VAT1L: variants seen among roughly 807,000 people sequenced by gnomAD.
VAT1L encodes putative NADPH-dependent quinone oxidoreductase VAT1L.
In VAT1L, 34 loss-of-function variants were observed where a neutral mutation model predicts 44.1. The ratio of observed to expected loss-of-function variants is 0.77; its 90% CI spans 0.59 to 1.03. The LOEUF is 1.03. Ranked by LOEUF, VAT1L falls within the 50% of genes least tolerant of loss-of-function variation. The pLI is 0.00. For missense variants in VAT1L, 615 were observed against 538.8 expected (o/e 1.14, Z -1.40); for synonymous variants, 253 against 202.2 (o/e 1.25, Z -2.13).
intron 7 of VAT1L, among the ~76,000 whole-genome samples, chr16:77,911,628 T>G (rs1174399078): frequency 6.6e-6 from 1 of 152,342 alleles, no homozygotes. Context: ...GGGTCAAATG[T>G]GCCACCAGAT....
intron 3 of VAT1L, among the ~76,000 whole-genome samples, chr16:77,833,398 G>A (rs1443912313): frequency 6.6e-6 from 1 of 152,212 alleles, no homozygotes; most frequent in Admixed American, 6.5e-5. Context: ...GGCATTTAAC[G>A]CTAATCTGTG....
intron 8 of VAT1L, among the ~76,000 whole-genome samples, chr16:77,975,231 A>ATTTTT (rs1567527926): frequency 1.9e-4 from 12 of 62,496 alleles, no homozygotes; most frequent in African/African-American, 7.6e-4. Flanking sequence ...TTTTTTTTAA[A>ATTTTT]GACAGTCTCA....
intron 3 of VAT1L, among the ~76,000 whole-genome samples, chr16:77,839,465 G>C (rs2016678982): frequency 6.9e-6 from 1 of 144,252 alleles, no homozygotes; most frequent in South Asian, 2.2e-4. Context: ...GAACCTGGGA[G>C]GCAGAGCTTG....
At chr16:77,875,010 C>G (rs577688601) in intron 4 of VAT1L, among the ~76,000 whole-genome samples, 1 of 152,324 alleles carries the variant, frequency 6.6e-6, no homozygotes, top group South Asian at 2.1e-4. Flanking sequence ...GGATTGCAAT[C>G]TTTGTTTTAG....
At chr16:77,824,555 A>G (rs932383127) in intron 2 of VAT1L, among the ~76,000 whole-genome samples, 2 of 151,950 alleles carry the variant, frequency 1.3e-5, no homozygotes, top group Non-Finnish European at 2.9e-5. Context: ...GGAGATCGAG[A>G]CCATCCTGGC....
At chr16:77,789,183 G>A (rs1030217251) in intron 1 of VAT1L, among the ~76,000 whole-genome samples, 7 of 152,168 alleles carry the variant, frequency 4.6e-5, no homozygotes, top group African/African-American at 1.7e-4. Context: ...CCCCGGGTCT[G>A]GAAGATTGCG....
rs1466405416 is a variant in VAT1L at position 77,788,758 on chromosome 16, G to A, written c.76G>A (p.Glu26Lys). ...IEKEAGKEPAEGGGGDGSHRL... is the reference protein window; with the variant it reads ...IEKEAGKEPAKGGGGDGSHRL... ...GAAGGAGGCAGGCAAGGAGCCGGCG[G>A]AGGGCGGCGGCGGCGACGGCTCGCA... The change falls in exon 1 of 9, where the codon GAG (glutamate) becomes AAG (lysine). Residue 26 changes from glutamate to lysine, a missense_variant. Transcript: ENST00000302536. The A allele has an allele frequency of 3.8e-6, 6 of 1,562,744 alleles. No homozygotes were observed. Among genetic ancestry groups the A allele is most frequent in the East Asian group, 2.3e-5 (1 of 42,684 alleles).
At chr16:77,858,088 A>G (rs569114174) in intron 3 of VAT1L, among the ~76,000 whole-genome samples, 1 of 152,278 alleles carries the variant, frequency 6.6e-6, no homozygotes, top group East Asian at 1.9e-4. Context: ...TGGGCACAGG[A>G]GCAGAGGGCC....
At chr16:77,874,140 G>A (rs2142451575) in intron 4 of VAT1L, among the ~76,000 whole-genome samples, 1 of 152,234 alleles carries the variant, frequency 6.6e-6, no homozygotes, top group African/African-American at 2.4e-5. Flanking sequence ...ACCCATCATG[G>A]GTACAGCAGG....
rs752788942 is a variant in VAT1L at position 77,805,980 on chromosome 16, A to G, written c.234-10941A>G. Among the ~76,000 whole-genome samples the G allele has an allele frequency of 3.3e-5, 5 of 149,410 alleles. No homozygotes were observed. The South Asian group carries it at 1.1e-3, about 31-fold the overall frequency. On this transcript the variant is annotated intron_variant, in intron 1 of 8. Transcript: ENST00000302536. ...AGGGTTCAAGCAATTCTCCTGCCTC[A>G]GCCTCCTGAGCAGCTGGGATTACAG... is the stretch of plus-strand genomic sequence containing the variant.
At chr16:77,961,240 C>G (rs951613049) in intron 7 of VAT1L, among the ~76,000 whole-genome samples, 1 of 152,006 alleles carries the variant, frequency 6.6e-6, no homozygotes, top group African/African-American at 2.4e-5. Context: ...GACAGGAGTT[C>G]CAGGCTGTCA....
chr16:77,931,005 TAC>T (rs2017725457), intron 7 of VAT1L, among the ~76,000 whole-genome samples: 1 of 152,210 alleles, frequency 6.6e-6, no homozygotes, highest in African/African-American at 2.4e-5. Context: ...TGGATAATGG[TAC>T]CCTCCTCATT....
At chr16:77,970,383 A>T (rs1443788158) in intron 7 of VAT1L, among the ~76,000 whole-genome samples, 4 of 152,220 alleles carry the variant, frequency 2.6e-5, no homozygotes, top group Non-Finnish European at 4.4e-5. Context: ...ATGTTTTATC[A>T]TATATCCATA....
chr16:77,849,547 A>G (rs1315925231), intron 3 of VAT1L, among the ~76,000 whole-genome samples: 1 of 152,194 alleles, frequency 6.6e-6, no homozygotes, highest in Non-Finnish European at 1.5e-5. Context: ...TTTTACTCTT[A>G]CTACACTCGC....
chr16:77,954,829 T>C (rs1350620788), intron 7 of VAT1L, among the ~76,000 whole-genome samples: 2 of 152,188 alleles, frequency 1.3e-5, no homozygotes, highest in Non-Finnish European at 2.9e-5. Context: ...AGGAGTAGAC[T>C]ACCTGTCCAG....
At chr16:77,892,786 G>C (rs1300213068) in intron 7 of VAT1L, 1 of 784,426 alleles carries the variant, frequency 1.3e-6, no homozygotes, top group Admixed American at 1.7e-5. Flanking sequence ...CTGAGGGGTT[G>C]GATGGCAAGC....
At chr16:77,845,979 G>T (rs753595623) in intron 3 of VAT1L, among the ~76,000 whole-genome samples, 1 of 152,148 alleles carries the variant, frequency 6.6e-6, no homozygotes, top group African/African-American at 2.4e-5. Context: ...ATTATCCCGG[G>T]TCTTCCTGTG....
chr16:77,886,096 T>C lies in VAT1L; in HGVS notation c.1077+1294T>C, dbSNP rs1203905984. On this transcript the variant is annotated intron_variant, in intron 7 of 8. Transcript: ENST00000302536. Reference sequence around the variant, plus strand: ...CAGAGAAGGATAACATTGTTAACATTTCGGTTTGCTTCCTTCCAGTCTTTT... The same window carrying C: ...CAGAGAAGGATAACATTGTTAACATCTCGGTTTGCTTCCTTCCAGTCTTTT... Among the ~76,000 whole-genome samples the C allele has an allele frequency of 2.6e-5, 4 of 152,212 alleles. No homozygotes were observed. In the South Asian group the frequency reaches 8.3e-4, roughly 32 times the overall value.
rs536599879 is a variant in VAT1L, at chr16:77,821,797, G to A, written c.364-3449G>A. ...CTCTCAATAAACAGAGATACTGACAGCAATAAGAAGAGATGTCAGTTCTGC... is the reference window on the plus strand; with the variant it reads ...CTCTCAATAAACAGAGATACTGACAACAATAAGAAGAGATGTCAGTTCTGC... On this transcript the variant is annotated intron_variant, in intron 2 of 8. Coordinates refer to ENST00000302536, the MANE Select transcript of VAT1L (RefSeq NM_020927.3). 7.9e-5 allele frequency among the ~76,000 whole-genome samples: 12 copies of A among 152,122 alleles called. No homozygotes were observed. The South Asian group carries it at 8.3e-4, about 10-fold the overall frequency.
Sources: allele counts gnomAD v4.1 joint callset (sites outside exome capture counted in the v4.1 genomes callset), GRCh38; gene constraint gnomAD v4.1.1; transcripts MANE v1.5; gene names NCBI Gene and HGNC (gene_info 2026-07-23, HGNC 2026-07-21).